ANO3: variants seen among roughly 807,000 people sequenced by gnomAD.
ANO3 encodes the protein anoctamin 3.
In ANO3, 99 loss-of-function variants were observed where a neutral mutation model predicts 144.8. That is an observed-to-expected ratio of 0.68 (90% CI 0.58 to 0.81). ANO3 has a LOEUF of 0.81. ANO3 is among the 30% of genes least tolerant of loss of function. The pLI is 0.00. For missense variants in ANO3, 905 were observed against 1,202.2 expected, an observed-to-expected ratio of 0.75 and a Z score of 3.66; for synonymous variants, 414 against 392.6, an observed-to-expected ratio of 1.05 and a Z score of -0.64.
chr11:26,545,352 T>G (rs1318410581), intron 11 of ANO3, among the ~76,000 whole-genome samples: 1 of 152,066 alleles, frequency 6.6e-6, no homozygotes, highest in Non-Finnish European at 1.5e-5. Flanking sequence ...GGCAATTCCT[T>G]TTGTATATAA....
intron 4 of ANO3, 40 bp from the exon 5 acceptor site, chr11:26,508,064 G>A: frequency 6.5e-7 from 1 of 1,548,902 alleles, no homozygotes; most frequent in Non-Finnish European, 8.6e-7. Flanking sequence ...ATACATGCTT[G>A]TCTAACCCAC....
intron 1 of ANO3, among the ~76,000 whole-genome samples, chr11:26,397,018 A>G (rs969829386): frequency 1.7e-4 from 22 of 126,964 alleles, no homozygotes; most frequent in African/African-American, 5.5e-4. Context: ...CAAAAAAATA[A>G]AGTAAAATGG....
At chr11:26,465,121 A>T (rs967481555) in intron 4 of ANO3, among the ~76,000 whole-genome samples, 1 of 122,746 alleles carries the variant, frequency 8.1e-6, no homozygotes, top group Non-Finnish European at 1.7e-5. Flanking sequence ...CCCCATCATT[A>T]AATTGTGTGT....
At chr11:26,481,453 G>A (rs1432049722) in intron 4 of ANO3, among the ~76,000 whole-genome samples, 1 of 152,162 alleles carries the variant, frequency 6.6e-6, no homozygotes. Flanking sequence ...AATTTCCACA[G>A]GTGGGATTTT....
intron 14 of ANO3, chr11:26,572,203 T>C (rs1850855950): frequency 2.0e-6 from 2 of 985,320 alleles, no homozygotes; most frequent in East Asian, 2.3e-4. Context: ...GCTGGCTGTA[T>C]CTTGCTTGTG....
chr11:26,332,394 A>G, intron 1 of ANO3, 73 bp downstream of exon 1: 5 of 1,463,632 alleles, frequency 3.4e-6, no homozygotes, highest in Non-Finnish European at 4.8e-6. Flanking sequence ...GTTGTGTAGG[A>G]GCATCCTTTG....
chr11:26,334,891 T>A (rs1025217006), intron 1 of ANO3, among the ~76,000 whole-genome samples: 8 of 152,218 alleles, frequency 5.3e-5, no homozygotes, highest in Non-Finnish European at 8.8e-5. Context: ...CCTTGTTATA[T>A]TATTTTTAAA....
At chr11:26,513,599 A>G (rs1861750718) in intron 5 of ANO3, among the ~76,000 whole-genome samples, 1 of 152,150 alleles carries the variant, frequency 6.6e-6, no homozygotes, top group Admixed American at 6.6e-5. Context: ...CAACATGACT[A>G]GACTTCAGGA....
intron 1 of ANO3, among the ~76,000 whole-genome samples, chr11:26,213,207 C>A (rs542349872): frequency 4.1e-4 from 63 of 152,138 alleles, no homozygotes; most frequent in Non-Finnish European, 5.3e-4. Flanking sequence ...GAAACATTAC[C>A]TTTGAAAACA....
At chr11:26,561,139 T>C (rs751370746) in intron 14 of ANO3, 2 of 1,612,944 alleles carry the variant, frequency 1.2e-6, no homozygotes, top group Admixed American at 3.3e-5. Flanking sequence ...CTTTCTGGCA[T>C]GGCTGAATCA....
At chr11:26,539,782 A>T (rs1339304451) in intron 10 of ANO3, among the ~76,000 whole-genome samples, 3 of 152,200 alleles carry the variant, frequency 2.0e-5, no homozygotes, top group Non-Finnish European at 4.4e-5. Flanking sequence ...TTAATTGCAT[A>T]CTTTCCATGT....
At chr11:26,308,965 A>G (rs1221619952), upstream of ANO3, among the ~76,000 whole-genome samples, 1 of 152,150 alleles carries the variant, frequency 6.6e-6, no homozygotes, top group Non-Finnish European at 1.5e-5. Flanking sequence ...CTGAGGTCAG[A>G]GTTTTTAATC....
intron 1 of ANO3, among the ~76,000 whole-genome samples, chr11:26,363,578 T>C (rs1412755285): frequency 1.3e-5 from 2 of 152,162 alleles, no homozygotes; most frequent in African/African-American, 4.8e-5. Context: ...TAACCAAAAA[T>C]GCCTCTTTAA....
chr11:26,430,439 C>T (rs1178523362), intron 1 of ANO3, among the ~76,000 whole-genome samples: 2 of 152,010 alleles, frequency 1.3e-5, no homozygotes, highest in African/African-American at 4.8e-5. Context: ...TTGCACAATT[C>T]TAAAACATAA....
intron 24 of ANO3, among the ~76,000 whole-genome samples, chr11:26,650,107 A>T (rs953842035): frequency 6.6e-6 from 1 of 152,116 alleles, no homozygotes; most frequent in Non-Finnish European, 1.5e-5. Flanking sequence ...TCAAGCAAAG[A>T]TGTGGAGGGC....
At chr11:26,329,957 C>A (rs772229418), upstream of ANO3, among the ~76,000 whole-genome samples, 1 of 151,976 alleles carries the variant, frequency 6.6e-6, no homozygotes, top group Non-Finnish European at 1.5e-5. Context: ...GGACTACAGG[C>A]GCCCGCCACC....
At chr11:26,522,120 C>G (rs1862103244) in intron 6 of ANO3, among the ~76,000 whole-genome samples, 1 of 151,904 alleles carries the variant, frequency 6.6e-6, no homozygotes, top group Non-Finnish European at 1.5e-5. Context: ...GGAGGCTGAG[C>G]TTGCAGTGAG....
intron 1 of ANO3, among the ~76,000 whole-genome samples, chr11:26,263,677 T>C (rs77964170): frequency 2.0e-5 from 3 of 152,182 alleles, no homozygotes; most frequent in Non-Finnish European, 4.4e-5. Flanking sequence ...GGGCAAGAAG[T>C]AGCTAAATTT....
intron 1 of ANO3, among the ~76,000 whole-genome samples, chr11:26,432,824 T>C (rs1022391699): frequency 6.6e-6 from 1 of 152,186 alleles, no homozygotes; most frequent in African/African-American, 2.4e-5. Flanking sequence ...TAGTTTGAAG[T>C]CGGGTAACAT....
Sources: allele counts gnomAD v4.1 joint callset (sites outside exome capture counted in the v4.1 genomes callset), GRCh38; gene constraint gnomAD v4.1.1; transcripts MANE v1.5; gene names NCBI Gene and HGNC (gene_info 2026-07-23, HGNC 2026-07-21).